EIF4G3: variants seen among roughly 807,000 people sequenced by gnomAD.
The protein encoded by EIF4G3 is eIF-4-gamma 3.
In EIF4G3, 34 loss-of-function variants were observed where a neutral mutation model predicts 186.4. That is an observed-to-expected ratio of 0.18 (90% CI 0.14 to 0.24). The LOEUF (loss-of-function observed/expected upper bound fraction) is 0.24. Among genes scored for constraint, EIF4G3 ranks in the 10% least tolerant of loss-of-function variants. The pLI is 1.00. For missense variants in EIF4G3, 1,536 were observed against 1,948.5 expected (o/e 0.79, Z 3.99); for synonymous variants, 673 against 679.5 (o/e 0.99, Z 0.15).
chr1:20,864,479 T>C lies in EIF4G3; in HGVS notation c.3003A>G (p.Ala1001=). The C allele has an allele frequency of 6.2e-7, 1 of 1,612,346 alleles. No individual in the cohort carries two copies. Among genetic ancestry groups the C allele is most frequent in the Non-Finnish European group, 8.5e-7 (1 of 1,179,378 alleles). Residue 1001 remains alanine (A), a synonymous_variant, in exon 22 of 37, where the codon GCA becomes GCG. Transcript: ENST00000602326. ...TTCTGAGCTTTTGGATTTTTACCTT[T>C]GCTTTTTCAAAGTCCAAGTCTTTGC... ...TIGKDLDFEK[A]KPRMDQYFNQ...
intron 4 of EIF4G3, among the ~76,000 whole-genome samples, chr1:21,016,668 C>A (rs947276313): frequency 2.0e-5 from 3 of 147,544 alleles, no homozygotes; most frequent in South Asian, 4.3e-4. Flanking sequence ...TAAAAAAAAA[C>A]AATAAAAGGA....
At chr1:20,918,435 T>G (rs56736346) in intron 14 of EIF4G3, among the ~76,000 whole-genome samples, 1 of 152,074 alleles carries the variant, frequency 6.6e-6, no homozygotes, top group Non-Finnish European at 1.5e-5. Flanking sequence ...CTCGAACTCC[T>G]GGCCTCAAGC....
chr1:21,088,329 A>C (rs903616046), intron 3 of EIF4G3, among the ~76,000 whole-genome samples: 1 of 152,078 alleles, frequency 6.6e-6, no homozygotes, highest in Non-Finnish European at 1.5e-5. Context: ...CTGAGGCAGT[A>C]GAATCACTTG....
chr1:20,849,387 T>C (rs1319696792), intron 29 of EIF4G3, 28 bp downstream of exon 29: 1 of 1,238,228 alleles, frequency 8.1e-7, no homozygotes, highest in Non-Finnish European at 1.1e-6. Flanking sequence ...ACTTACTGTG[T>C]GTGTGTTTTT....
At chr1:21,063,489 T>G (rs1390300682) in intron 3 of EIF4G3, among the ~76,000 whole-genome samples, 2 of 152,150 alleles carry the variant, frequency 1.3e-5, no homozygotes, top group Non-Finnish European at 2.9e-5. Flanking sequence ...AGTAAATACA[T>G]TCTTAAAATA....
At chr1:20,873,988 G>A (rs2154553391) in intron 20 of EIF4G3, among the ~76,000 whole-genome samples, 1 of 152,188 alleles carries the variant, frequency 6.6e-6, no homozygotes, top group Non-Finnish European at 1.5e-5. Flanking sequence ...ATGGCTTCCA[G>A]CTTCATCCAC....
chr1:21,091,862 A>T (rs1190025941), intron 2 of EIF4G3, among the ~76,000 whole-genome samples: 3 of 152,158 alleles, frequency 2.0e-5, no homozygotes, highest in African/African-American at 7.2e-5. Context: ...GACTTTGCTG[A>T]AGTTGCTTAT....
intron 2 of EIF4G3, among the ~76,000 whole-genome samples, chr1:21,126,459 A>C (rs2097047198): frequency 6.6e-6 from 1 of 151,870 alleles, no homozygotes; most frequent in African/African-American, 2.4e-5. Flanking sequence ...CCAGTAGTTC[A>C]AGATCAGCCT....
intron 2 of EIF4G3, among the ~76,000 whole-genome samples, chr1:21,120,192 T>G (rs1275122271): frequency 1.3e-5 from 2 of 150,860 alleles, no homozygotes; most frequent in East Asian, 3.9e-4. Context: ...ACAAGTTACA[T>G]AATCTATAAA....
intron 2 of EIF4G3, among the ~76,000 whole-genome samples, chr1:21,118,785 C>CA (rs796933675): frequency 0.019 from 1,651 of 86,088 alleles, 22 homozygotes; most frequent in East Asian, 0.058. Context: ...GACTACATCT[C>CA]AAAAAAAAAA....
chr1:21,004,432 C>T (rs994316138), intron 4 of EIF4G3, among the ~76,000 whole-genome samples: 1 of 152,094 alleles, frequency 6.6e-6, no homozygotes, highest in African/African-American at 2.4e-5. Flanking sequence ...GACATATCCA[C>T]AAGACTTGGA....
chr1:21,064,722 G>GT, intron 3 of EIF4G3: 1 of 152,172 alleles, frequency 6.6e-6, no homozygotes, highest in Admixed American at 6.5e-5. Context: ...CACAAAATTA[G>GT]TAACAGTCTA....
At chr1:20,993,378 T>A (rs2081540545) in intron 7 of EIF4G3, among the ~76,000 whole-genome samples, 1 of 152,214 alleles carries the variant, frequency 6.6e-6, no homozygotes, top group South Asian at 2.1e-4. Flanking sequence ...TTACTTGAAT[T>A]CAAGTAACTC....
intron 4 of EIF4G3, among the ~76,000 whole-genome samples, chr1:21,048,354 T>C (rs946611597): frequency 6.6e-6 from 1 of 152,122 alleles, no homozygotes; most frequent in East Asian, 1.9e-4. Flanking sequence ...AATAAGAAAA[T>C]GGATCTGAGC....
intron 2 of EIF4G3, among the ~76,000 whole-genome samples, chr1:21,101,161 A>G (rs1448280679): frequency 6.6e-6 from 1 of 152,188 alleles, no homozygotes; most frequent in Non-Finnish European, 1.5e-5. Context: ...CACAAAGTGA[A>G]AAATCATGGT....
intron 13 of EIF4G3, among the ~76,000 whole-genome samples, chr1:20,946,816 A>C (rs1232351954): frequency 1.3e-5 from 2 of 152,060 alleles, no homozygotes; most frequent in Admixed American, 1.3e-4. Flanking sequence ...TTTTGGAGGA[A>C]AGGGGAGGCT....
intron 4 of EIF4G3, among the ~76,000 whole-genome samples, chr1:21,020,588 T>C (rs761909849): frequency 6.6e-5 from 10 of 152,246 alleles, no homozygotes; most frequent in Non-Finnish European, 1.2e-4. Context: ...GCGCGATTAC[T>C]GGAATACATT....
intron 2 of EIF4G3, among the ~76,000 whole-genome samples, chr1:21,148,299 G>A (rs546410706): frequency 2.0e-5 from 3 of 152,152 alleles, no homozygotes; most frequent in South Asian, 2.1e-4. Flanking sequence ...TTGAACTCCC[G>A]GGTCTAAACA....
chr1:20,856,813 A>G (rs907098054), intron 25 of EIF4G3, among the ~76,000 whole-genome samples: 4 of 152,214 alleles, frequency 2.6e-5, no homozygotes, highest in African/African-American at 7.2e-5. Context: ...TTGTATATTA[A>G]GCATCTTATG....
Sources: allele counts gnomAD v4.1 joint callset (sites outside exome capture counted in the v4.1 genomes callset), GRCh38; gene constraint gnomAD v4.1.1; transcripts MANE v1.5; gene names NCBI Gene and HGNC (gene_info 2026-07-23, HGNC 2026-07-21).